The following COL6A2 variants were observed in gnomAD, a reference collection of about 807,000 sequenced individuals.
COL6A2 encodes the protein collagen type VI alpha 2 chain, also known as collagen alpha-2(VI) chain.
COL6A2 carries 90 observed loss-of-function variants against 124.9 expected under a neutral mutation model. The ratio of observed to expected loss-of-function variants is 0.72; its 90% CI spans 0.61 to 0.86. The LOEUF (loss-of-function observed/expected upper bound fraction) is 0.86, where lower values mean the gene tolerates loss of function less well. Among genes scored for constraint, COL6A2 ranks in the 40% least tolerant of loss-of-function variants. The pLI, the probability that COL6A2 is intolerant of heterozygous loss-of-function variation, is 0.00. For synonymous variants in COL6A2, 793 were observed against 618.2 expected (o/e 1.28, Z -4.19); for missense variants, 1,607 against 1,502.5 (o/e 1.07, Z -1.15).
chr21:46,129,312 C>T, intron 27 of COL6A2: 1 of 1,612,962 alleles, frequency 6.2e-7, no homozygotes, highest in Non-Finnish European at 8.5e-7. Context: ...CGCCACGGAG[C>T]TCACGCAGGA....
Position 46,117,945 on chromosome 21 carries a change from C to G in COL6A2, c.1116+9C>G. 1 of 1,611,540 alleles carries G rather than the reference C, an allele frequency of 6.2e-7. No individual in the cohort carries two copies. Among genetic ancestry groups the G allele is most frequent in the Non-Finnish European group, 8.5e-7 (1 of 1,179,060 alleles). ...GAGACCAAGGCGGCAAGGTAAGTGGCCTTGTCAGGGTACGGGGCAGGCGGG... is the reference window on the plus strand; with the variant it reads ...GAGACCAAGGCGGCAAGGTAAGTGGGCTTGTCAGGGTACGGGGCAGGCGGG... On this transcript the variant is annotated intron_variant, in intron 12 of 27. Coordinates refer to ENST00000300527, the MANE Select transcript of COL6A2 (RefSeq NM_001849.4).
At chr21:46,113,642 C>A (rs181072520) in intron 4 of COL6A2, 1 of 373,094 alleles carries the variant, frequency 2.7e-6, no homozygotes, top group South Asian at 2.4e-5. Flanking sequence ...CCAGCCTGGT[C>A]TCTAACTCCT....
chr21:46,116,263 A>C lies in COL6A2; in HGVS notation c.901-114A>C, dbSNP rs999431798. 3 of 1,311,002 alleles carry C rather than the reference A, an allele frequency of 2.3e-6. No individual in the cohort carries two copies. In the Admixed American group the frequency reaches 5.6e-5, roughly 25 times the overall value. 81.2% of individuals were successfully genotyped at this position (1,311,002 alleles called of 1,614,324 possible). A position where few individuals can be genotyped will look rare whatever the true frequency, so the allele number is the denominator to read the frequency against. On this transcript the variant is annotated intron_variant, in intron 7 of 27. Transcript: ENST00000300527. The surrounding 1 kb of genome is among the most constrained non-coding windows in gnomAD (Gnocchi z 4.6). ...CTCCTCCGCAGACTGTTTGTCGAGA[A>C]CACTAGATGCCAGCGGCCCACCGAG...
At position 46,125,002 on chromosome 21, in the gene COL6A2, G is replaced by C. The variant is rs967711698; in HGVS notation, c.1770+82G>C. 6 of 1,534,766 alleles carry C rather than the reference G, an allele frequency of 3.9e-6. No homozygotes were observed. In the African/African-American group the frequency reaches 8.2e-5, roughly 21 times the overall value. ...GAGCAGCAGGGGTGGGGGAAGGTCA[G>C]CTGGCACGGTCAGAGAGCAAGATCA... On this transcript the variant is annotated intron_variant, in intron 23 of 27. Coordinates refer to ENST00000300527, the MANE Select transcript of COL6A2 (RefSeq NM_001849.4).
intron 1 of COL6A2, among the ~76,000 whole-genome samples, chr21:46,102,332 A>C (rs1033489763): frequency 1.8e-4 from 28 of 152,272 alleles, no homozygotes; most frequent in African/African-American, 6.7e-4. Context: ...TCATATCATC[A>C]GTGATCAGAG....
chr21:46,123,873 GGATGGATGGGTGAGTCAGTGGATA>G (rs1212450085), intron 21 of COL6A2, among the ~76,000 whole-genome samples: 4 of 143,902 alleles, frequency 2.8e-5, no homozygotes, highest in African/African-American at 7.6e-5. Context: ...GTTGGCAGAT[GGATGGATGGGTGAGTCAGTGGATA>G]GATGGATGGG....
At position 46,132,715 on chromosome 21, in the gene COL6A2, G is replaced by A. The variant is rs533069069; in HGVS notation, c.*163G>A. On this transcript the variant is annotated 3_prime_UTR_variant, in exon 28 of 28. Coordinates refer to ENST00000300527, the MANE Select transcript of COL6A2 (RefSeq NM_001849.4). The stretch of plus-strand genomic sequence containing the variant: ...CGGGGTCCCCGTAGCCCCGGCCCCC[G>A]CCCAGCCCCAGGTCTCCCCAGGCCC... 4.4e-5 allele frequency: 31 copies of A among 701,350 alleles called. No homozygotes were observed. The highest frequency in any genetic ancestry group is 3.9e-4 in the Middle Eastern group (1 of 2,568). 43.4% of individuals were successfully genotyped at this position (701,350 alleles called of 1,614,324 possible).
chr21:46,126,021 G>A lies in COL6A2; in HGVS notation c.2206G>A (p.Asp736Asn), dbSNP rs778857641. ...GGTGGTCATCACGGACGGGCGCCAC[G>A]ACCCTCGGGACGATGACCTCAACTT... Reference protein sequence around the residue: ...FAVVITDGRHDPRDDDLNLRA... With the variant: ...FAVVITDGRHNPRDDDLNLRA... Residue 736 changes from aspartate (D) to asparagine (N), a missense_variant, in exon 26 of 28, where the codon GAC (aspartate) becomes AAC (asparagine). This residue lies in a region of COL6A2 where 1,223 missense variants were observed against 1,052.2 expected (regional missense o/e 1.16). Transcript: ENST00000300527. 1.1e-5 allele frequency: 18 copies of A among 1,612,856 alleles called. No homozygotes were observed. Among genetic ancestry groups the A allele is most frequent in the South Asian group, 8.8e-5 (8 of 91,070 alleles).
chr21:46,126,153 C>T lies in COL6A2; in HGVS notation c.2338C>T (p.Pro780Ser). 1 of 1,610,672 alleles carries T rather than the reference C, an allele frequency of 6.2e-7. No individual in the cohort carries two copies. Among genetic ancestry groups the T allele is most frequent in the Non-Finnish European group, 8.5e-7 (1 of 1,180,004 alleles). The part of the protein sequence containing the change: ...ENLYSIACDK[P>S]QQVRNMTLFS... ...CCTCTACTCCATCGCCTGCGACAAGCCACAGCAGGTGCGCAACATGACGCT... is the reference window on the plus strand; with the variant it reads ...CCTCTACTCCATCGCCTGCGACAAGTCACAGCAGGTGCGCAACATGACGCT... The change falls in exon 26 of 28, where the codon CCA (proline) becomes TCA (serine). Residue 780 changes from proline (P) to serine (S), a missense_variant. By Grantham distance (74) the Pro-to-Ser change is moderately conservative. Around this residue, in one of 3 missense-constraint regions of COL6A2, gnomAD observed 1,223 missense variants for 1,052.2 expected, o/e 1.16. Transcript: ENST00000300527.
rs746727003 is a variant in COL6A2, at chr21:46,117,891, G to C, written c.1071G>C (p.Pro357=). 2.5e-6 allele frequency: 4 copies of C among 1,612,294 alleles called. No homozygotes were observed. Among genetic ancestry groups the C allele is most frequent in the African/African-American group, 2.7e-5 (2 of 74,908 alleles). Residue 357 remains proline, a synonymous_variant, in exon 12 of 28, where the codon CCG becomes CCC. Transcript: ENST00000300527. ...DPGNRGPDGY[P]GEAGSPGERG... ...TCTCTCAGGGCCCCGACGGTTACCC[G>C]GGGGAAGCAGGGAGTCCAGGGGAGC... is the stretch of plus-strand genomic sequence containing the variant.
chr21:46,121,644 G>C, intron 18 of COL6A2, 26 bp downstream of exon 18: 1 of 1,611,214 alleles, frequency 6.2e-7, no homozygotes, highest in Non-Finnish European at 8.5e-7. Flanking sequence ...CCAGCAGGAC[G>C]TATTAGGGGT....
intron 1 of COL6A2, among the ~76,000 whole-genome samples, chr21:46,099,349 G>C (rs1039338482): frequency 2.0e-5 from 3 of 151,566 alleles, no homozygotes; most frequent in Non-Finnish European, 4.4e-5. Context: ...CCAGCTAATC[G>C]GGAGGCTGAG....
chr21:46,105,025 C>T (rs537456442), intron 1 of COL6A2, among the ~76,000 whole-genome samples: 7 of 152,230 alleles, frequency 4.6e-5, no homozygotes, highest in East Asian at 3.9e-4. Flanking sequence ...CTATAGGAAA[C>T]GCCAAAGGGA....
chr21:46,110,744 C>T (rs1377957147), intron 1 of COL6A2, among the ~76,000 whole-genome samples: 1 of 44,340 alleles, frequency 2.3e-5, no homozygotes, highest in Non-Finnish European at 6.2e-5. Flanking sequence ...CCCAGCTGCC[C>T]GGCTGCTGCC....
chr21:46,124,139 G>A (rs1601244600), intron 21 of COL6A2, among the ~76,000 whole-genome samples: 1 of 150,816 alleles, frequency 6.6e-6, no homozygotes, highest in East Asian at 2.0e-4. Context: ...GGATAGATGG[G>A]TAAGTGAGTG....
Position 46,126,460 on chromosome 21 carries a change from G to A in COL6A2, c.2423-43G>A, listed in dbSNP as rs376168446. Reference sequence around the variant, plus strand: ...GTGAACGGCCGCTGAGGGTTCGCTAGGGACTGACCCTGGCCTGGCCCGGCC... The same window carrying A: ...GTGAACGGCCGCTGAGGGTTCGCTAAGGACTGACCCTGGCCTGGCCCGGCC... On this transcript the variant is annotated intron_variant, in intron 26 of 27. Coordinates refer to ENST00000300527, the MANE Select transcript of COL6A2 (RefSeq NM_001849.4). The A allele has an allele frequency of 1.1e-5, 18 of 1,601,846 alleles. No homozygotes were observed. In the African/African-American group the frequency reaches 1.9e-4, roughly 17 times the overall value.
At chr21:46,121,438 C>T in intron 17 of COL6A2, 118 bp from the exon 18 acceptor site, 1 of 974,876 alleles carries the variant, frequency 1.0e-6, no homozygotes, top group Non-Finnish European at 1.6e-6. Context: ...CCACAGGCAG[C>T]AGGAGGAGCT....
rs2078416542 is a variant in COL6A2, at chr21:46,112,448, C to T, written c.585C>T (p.Asn195=). 1 of 1,610,262 alleles carries T rather than the reference C, an allele frequency of 6.2e-7. No homozygotes were observed. The highest frequency in any genetic ancestry group is 1.1e-5 in the South Asian group (1 of 91,064). ...TCTTCGCCGTGGCCCCCAACCAGAA[C>T]CTGAAGGAGCAGGGCCTGCGGGACA... The part of the protein sequence containing the change: ...IRLFAVAPNQ[N]LKEQGLRDIA... The change falls in exon 3 of 28, where the codon AAC becomes AAT. Residue 195 remains asparagine (N), a synonymous_variant. Transcript: ENST00000300527.
In COL6A2 at chr21:46,130,203, G is replaced by A. The variant is rs138046520; in HGVS notation, c.2462-1751G>A. 1.6e-3 allele frequency among the ~76,000 whole-genome samples: 249 copies of A among 152,362 alleles called. 2 individuals carry two copies. Among genetic ancestry groups the A allele is most frequent in the Non-Finnish European group, 2.9e-3 (198 of 68,026 alleles). On this transcript the variant is annotated intron_variant, in intron 27 of 27. Transcript: ENST00000300527. ...GAATGGCCACAGCTGCCTGCCAGCA[G>A]CCCTGATCCCGGGGTGTCTGCACCC...
Sources: gnomAD v4.1 joint callset for allele counts (sites outside exome capture counted in the v4.1 genomes callset) on GRCh38, gnomAD v4.1.1 for gene constraint, gnomAD v4.1.1 regional missense constraint, Gnocchi (gnomAD v3.1) non-coding constraint, MANE v1.5 for transcripts, NCBI Gene and HGNC (gene_info 2026-07-23, HGNC 2026-07-21) for gene names.